The following PPP2R2A variants were observed in gnomAD, a reference collection of about 807,000 sequenced individuals.
PPP2R2A encodes protein phosphatase 2 regulatory subunit Balpha, also known as serine/threonine-protein phosphatase 2A 55 kDa regulatory subunit B alpha isoform.
Under a neutral mutation model 53.2 loss-of-function variants are expected in PPP2R2A, and 9 were observed. That is an observed-to-expected ratio of 0.17 (90% CI 0.10 to 0.30). PPP2R2A has a LOEUF of 0.30. Ranked by LOEUF, PPP2R2A falls within the 10% of genes least tolerant of loss-of-function variation. The pLI, the probability that PPP2R2A is intolerant of heterozygous loss-of-function variation, is 1.00. For synonymous variants in PPP2R2A, 169 were observed against 174.2 expected (o/e 0.97, Z 0.23); for missense variants, 235 against 534.6 (o/e 0.44, Z 5.53).
chr8:26,314,505 G>A (rs1802445554), intron 2 of PPP2R2A, among the ~76,000 whole-genome samples: 2 of 152,248 alleles, frequency 1.3e-5, no homozygotes, highest in South Asian at 2.1e-4. Flanking sequence ...ATGGTGCACA[G>A]TATCCAGTGC....
intron 1 of PPP2R2A, among the ~76,000 whole-genome samples, chr8:26,292,717 A>G (rs1192926218): frequency 6.6e-6 from 1 of 152,140 alleles, no homozygotes; most frequent in Non-Finnish European, 1.5e-5. Flanking sequence ...CTTTTTGTAC[A>G]TGTTGGTATT....
chr8:26,297,785 G>C (rs1416047186), intron 2 of PPP2R2A, among the ~76,000 whole-genome samples: 1 of 152,118 alleles, frequency 6.6e-6, no homozygotes, highest in African/African-American at 2.4e-5. Flanking sequence ...ATTATTACTT[G>C]AACCTTCATA....
At chr8:26,310,689 T>C (rs1802251517) in intron 2 of PPP2R2A, among the ~76,000 whole-genome samples, 1 of 151,628 alleles carries the variant, frequency 6.6e-6, no homozygotes, top group Non-Finnish European at 1.5e-5. Context: ...TTTAATGGCT[T>C]ATGGTATTTA....
chr8:26,344,234 G>A (rs1054566660), intron 3 of PPP2R2A, among the ~76,000 whole-genome samples: 1 of 152,164 alleles, frequency 6.6e-6, no homozygotes, highest in Non-Finnish European at 1.5e-5. Flanking sequence ...ATGTATGTAT[G>A]TTTACTATAT....
intron 2 of PPP2R2A, among the ~76,000 whole-genome samples, chr8:26,334,144 CCTT>C (rs140587116): frequency 0.063 from 9,580 of 152,054 alleles, 455 homozygotes; most frequent in East Asian, 0.25. Flanking sequence ...TCTGAAAGGT[CCTT>C]CTTTATTAAC....
chr8:26,341,835 C>T (rs767699952), intron 3 of PPP2R2A, among the ~76,000 whole-genome samples: 8 of 152,152 alleles, frequency 5.3e-5, no homozygotes, highest in Non-Finnish European at 8.8e-5. Flanking sequence ...AAGAAGAGAT[C>T]ATATAACAGC....
intron 2 of PPP2R2A, among the ~76,000 whole-genome samples, chr8:26,308,200 GA>G (rs1177379058): frequency 6.6e-6 from 1 of 152,226 alleles, no homozygotes; most frequent in Non-Finnish European, 1.5e-5. Context: ...TTTGCCAGTA[GA>G]GGATCTTATC....
At chr8:26,361,366 T>C (rs1180116445) in intron 6 of PPP2R2A, among the ~76,000 whole-genome samples, 2 of 152,244 alleles carry the variant, frequency 1.3e-5, no homozygotes, top group African/African-American at 4.8e-5. Flanking sequence ...AAAATTGGAT[T>C]CATGGAATTT....
rs139894900 is a variant in PPP2R2A at position 26,321,665 on chromosome 8, T to C, written c.83-17225T>C. Among the ~76,000 whole-genome samples the C allele has an allele frequency of 6.6e-6, 1 of 152,340 alleles. No homozygotes were observed. The highest frequency in any genetic ancestry group is 1.9e-4 in the East Asian group (1 of 5,188). ...CCAACAGCTGGCGACCTGACACCTG[T>C]CAGCAGCCAGGCGCACGAGCTTGGA... On this transcript the variant is annotated intron_variant, in intron 2 of 9. Coordinates refer to ENST00000380737, the MANE Select transcript of PPP2R2A (RefSeq NM_002717.4). The surrounding 1 kb of genome is among the most constrained non-coding windows in gnomAD (Gnocchi z 4.1).
intron 3 of PPP2R2A, among the ~76,000 whole-genome samples, chr8:26,345,894 G>A (rs1439416996): frequency 6.6e-6 from 1 of 152,016 alleles, no homozygotes; most frequent in African/African-American, 2.4e-5. Context: ...TGTGAGAGAC[G>A]GCATCAGCTC....
At chr8:26,368,488 A>G (rs1805497200) in intron 9 of PPP2R2A, among the ~76,000 whole-genome samples, 1 of 152,256 alleles carries the variant, frequency 6.6e-6, no homozygotes, top group Admixed American at 6.5e-5. Flanking sequence ...CTGACAAGGA[A>G]GTGTCTTGGG....
intron 2 of PPP2R2A, among the ~76,000 whole-genome samples, chr8:26,322,300 C>T (rs1802877446): frequency 6.6e-6 from 1 of 152,168 alleles, no homozygotes; most frequent in African/African-American, 2.4e-5. Context: ...ATATAAGGAA[C>T]ATAGCATTTG....
intron 4 of PPP2R2A, among the ~76,000 whole-genome samples, chr8:26,356,674 C>G (rs560347183): frequency 6.6e-6 from 1 of 152,232 alleles, no homozygotes; most frequent in African/African-American, 2.4e-5. Context: ...GTAAATGTTC[C>G]TAGGGAAATG....
chr8:26,352,411 C>T (rs1042592648), intron 3 of PPP2R2A, among the ~76,000 whole-genome samples: 4 of 152,180 alleles, frequency 2.6e-5, no homozygotes, highest in Non-Finnish European at 5.9e-5. Context: ...ACCACTTGTA[C>T]CCATCTGTTT....
chr8:26,369,171 C>G (rs1442977733), intron 9 of PPP2R2A, among the ~76,000 whole-genome samples: 1 of 151,900 alleles, frequency 6.6e-6, no homozygotes, highest in Non-Finnish European at 1.5e-5. Flanking sequence ...TTCTCAGGAG[C>G]AGATTATAAC....
intron 2 of PPP2R2A, among the ~76,000 whole-genome samples, chr8:26,307,867 G>A (rs577890375): frequency 6.6e-6 from 1 of 152,150 alleles, no homozygotes; most frequent in East Asian, 1.9e-4. Flanking sequence ...GGAAAATGGG[G>A]GAGTGAGGGG....
chr8:26,308,676 C>T (rs550173314), intron 2 of PPP2R2A, among the ~76,000 whole-genome samples: 2 of 152,196 alleles, frequency 1.3e-5, no homozygotes, highest in South Asian at 2.1e-4. Flanking sequence ...CGGAGTTATC[C>T]GTGAGTACTG....
intron 3 of PPP2R2A, among the ~76,000 whole-genome samples, chr8:26,341,910 T>C (rs1334619316): frequency 1.3e-5 from 2 of 152,216 alleles, no homozygotes; most frequent in Non-Finnish European, 2.9e-5. Context: ...TCATTTATTT[T>C]ACCCTTCAGA....
intron 3 of PPP2R2A, among the ~76,000 whole-genome samples, chr8:26,352,653 G>GA (rs1804578477): frequency 6.6e-6 from 1 of 152,156 alleles, no homozygotes; most frequent in South Asian, 2.1e-4. Flanking sequence ...TGCAGTCCAC[G>GA]AAACTGCCAT....
Sources: allele counts gnomAD v4.1 joint callset (sites outside exome capture counted in the v4.1 genomes callset), GRCh38; gene constraint gnomAD v4.1.1; non-coding constraint Gnocchi (gnomAD v3.1); transcripts MANE v1.5; gene names NCBI Gene and HGNC (gene_info 2026-07-23, HGNC 2026-07-21).